The following FRAS1 variants were observed in gnomAD, a reference collection of about 807,000 sequenced individuals.
The protein encoded by FRAS1 is Fraser extracellular matrix complex subunit 1.
In FRAS1, 290 loss-of-function variants were observed where a neutral mutation model predicts 435.2. That is an observed-to-expected ratio of 0.67 (90% confidence interval 0.61 to 0.73). FRAS1 has a LOEUF of 0.73. Ranked by LOEUF, FRAS1 falls within the 30% of genes least tolerant of loss-of-function variation. FRAS1 has a pLI of 0.00. For missense variants in FRAS1, 4,860 were observed against 5,001.5 expected, an observed-to-expected ratio of 0.97 and a Z score of 0.85; for synonymous variants, 1,800 against 1,851.0, an observed-to-expected ratio of 0.97 and a Z score of 0.71.
At chr4:78,065,081 T>TATATATATACACAC (rs762909923) in intron 1 of FRAS1, among the ~76,000 whole-genome samples, 4 of 125,688 alleles carry the variant, frequency 3.2e-5, no homozygotes, top group African/African-American at 1.2e-4. Flanking sequence ...TATATATATA[T>TATATATATACACAC]ATACATACAC....
At position 78,448,333 on chromosome 4, in the gene FRAS1, GGA is replaced by G; in HGVS notation, c.6274+21_6274+22del. Reference sequence around the variant, plus strand: ...TCTCAGCAGGTACCACAGAAATAAAGGAGAGTGGCCATGGTTTTTCTATCCTT... The same window carrying G: ...TCTCAGCAGGTACCACAGAAATAAAGGAGTGGCCATGGTTTTTCTATCCTT... On this transcript the variant is annotated intron_variant, in intron 44 of 73. Transcript: ENST00000512123. The G allele has an allele frequency of 6.3e-7, 1 of 1,581,096 alleles. No homozygotes were observed. Among genetic ancestry groups the G allele is most frequent in the Non-Finnish European group, 8.6e-7 (1 of 1,162,340 alleles).
At chr4:78,270,690 G>T (rs994352656) in intron 9 of FRAS1, among the ~76,000 whole-genome samples, 1 of 151,968 alleles carries the variant, frequency 6.6e-6, no homozygotes, top group Non-Finnish European at 1.5e-5. Flanking sequence ...AGTATGCATA[G>T]TCAGTCTTGT....
At chr4:78,521,332 A>AG (rs1190872396) in intron 67 of FRAS1, among the ~76,000 whole-genome samples, 191 bp from the exon 68 acceptor site, 2 of 152,160 alleles carry the variant, frequency 1.3e-5, no homozygotes, top group Non-Finnish European at 2.9e-5. Flanking sequence ...AAAAAAAAAA[A>AG]GAACCAAGTG....
rs3086823 is a variant in FRAS1 at position 78,429,046 on chromosome 4, C to CTGTGTGTGTGTGTG, written c.4712-45_4712-32dup. 5.0e-6 allele frequency: 7 copies of CTGTGTGTGTGTGTG among 1,393,688 alleles called. No individual in the cohort carries two copies. In the Admixed American group the frequency reaches 1.2e-4, roughly 25 times the overall value. 86.3% of individuals were successfully genotyped at this position (1,393,688 alleles called of 1,614,324 possible). ...GATTCGTGTGTGTGTGTGCGTGTCT[C>CTGTGTGTGTGTGTG]TGTGTGTGTGTGTGTGTCTCTGTGT... is the stretch of plus-strand genomic sequence containing the variant. On this transcript the variant is annotated intron_variant, in intron 35 of 73. Transcript: ENST00000512123.
At chr4:78,480,902 A>G (rs1719991938) in intron 56 of FRAS1, among the ~76,000 whole-genome samples, 1 of 152,254 alleles carries the variant, frequency 6.6e-6, no homozygotes, top group African/African-American at 2.4e-5. Context: ...CATACCGTGC[A>G]TGTTCCATGC....
chr4:78,456,237 A>AC (rs1553962197), intron 47 of FRAS1, among the ~76,000 whole-genome samples: 1 of 148,150 alleles, frequency 6.7e-6, no homozygotes, highest in African/African-American at 2.5e-5. Flanking sequence ...TCCGCCTCCC[A>AC]GATCAAGTGA....
At position 78,541,871 on chromosome 4, in the gene FRAS1, G is replaced by A. The variant is rs1722066205; in HGVS notation, c.*747G>A. 6.6e-6 allele frequency: 1 copy of A among 152,194 alleles called. No individual in the cohort carries two copies. Among genetic ancestry groups the A allele is most frequent in the East Asian group, 1.9e-4 (1 of 5,196 alleles). 9.4% of individuals were successfully genotyped at this position (152,194 alleles called of 1,614,324 possible). On this transcript the variant is annotated 3_prime_UTR_variant, in exon 74 of 74. Transcript: ENST00000512123. ...TTAGTGATGCCCTTCACCCCAGGGA[G>A]GTGTCTGTTCCCAACTAGTTTATGT...
chr4:78,293,386 C>T (rs1345056554), intron 14 of FRAS1, among the ~76,000 whole-genome samples: 1 of 152,278 alleles, frequency 6.6e-6, no homozygotes, highest in Admixed American at 6.5e-5. Context: ...CAGAAATGTA[C>T]AGGCATGACT....
chr4:78,223,102 G>A (rs1317476), intron 2 of FRAS1, among the ~76,000 whole-genome samples: 137,083 of 152,222 alleles, frequency 0.9, 63,277 homozygotes, highest in Non-Finnish European at 1. Flanking sequence ...GAATACAACC[G>A]GTGTGTATTT....
At chr4:78,510,809 G>A (rs1721011641) in intron 63 of FRAS1, among the ~76,000 whole-genome samples, 1 of 152,166 alleles carries the variant, frequency 6.6e-6, no homozygotes. Flanking sequence ...GTAGGGAGAT[G>A]GGATGATCGA....
At chr4:78,131,963 T>C (rs2109984178) in intron 2 of FRAS1, among the ~76,000 whole-genome samples, 1 of 152,352 alleles carries the variant, frequency 6.6e-6, no homozygotes, top group East Asian at 1.9e-4. Flanking sequence ...TCCATGGGGA[T>C]AGTTTGTTTC....
At chr4:78,087,383 C>T (rs1741241854) in intron 2 of FRAS1, among the ~76,000 whole-genome samples, 1 of 152,120 alleles carries the variant, frequency 6.6e-6, no homozygotes, top group African/African-American at 2.4e-5. Flanking sequence ...GATGCCCTCT[C>T]TCACCACTCC....
intron 2 of FRAS1, among the ~76,000 whole-genome samples, chr4:78,128,596 G>A (rs1356864315): frequency 6.6e-6 from 1 of 152,038 alleles, no homozygotes; most frequent in Non-Finnish European, 1.5e-5. Flanking sequence ...CTTGTTGATG[G>A]GGTTGTTTGT....
chr4:78,159,696 C>T (rs1019718264), intron 2 of FRAS1, among the ~76,000 whole-genome samples: 2 of 152,154 alleles, frequency 1.3e-5, no homozygotes, highest in Admixed American at 6.5e-5. Flanking sequence ...GCCTGGCCAA[C>T]ATGGTGAAAC....
Position 78,439,025 on chromosome 4 carries a change from A to C in FRAS1, c.5490A>C (p.Glu1830Asp), listed in dbSNP as rs746433898. Residue 1830 changes from glutamate (E) to aspartate (D), a missense_variant, in exon 40 of 74, where the codon GAA becomes GAC. Transcript: ENST00000512123. ...TTACCATCATGATCACTCCTGCTGA[A>C]AATCCACCTCCAGTCATTGCTTTTG... The part of the protein sequence containing the change: ...QIFTIMITPA[E>D]NPPPVIAFAD... 6.2e-7 allele frequency: 1 copy of C among 1,613,592 alleles called. No individual in the cohort carries two copies. The highest frequency in any genetic ancestry group is 8.5e-7 in the Non-Finnish European group (1 of 1,179,764).
At chr4:78,192,117 C>A (rs1456801052) in intron 2 of FRAS1, among the ~76,000 whole-genome samples, 1 of 152,154 alleles carries the variant, frequency 6.6e-6, no homozygotes, top group Non-Finnish European at 1.5e-5. Flanking sequence ...AGCCTTGCAT[C>A]CCAGGAATGA....
chr4:78,218,182 T>C (rs1270080726), intron 2 of FRAS1, among the ~76,000 whole-genome samples: 1 of 146,634 alleles, frequency 6.8e-6, no homozygotes, highest in Admixed American at 6.9e-5. Context: ...GATAATTCTG[T>C]CCATCCTGGT....
At chr4:78,475,680 C>T in intron 54 of FRAS1, 74 bp downstream of exon 54, 2 of 1,386,282 alleles carry the variant, frequency 1.4e-6, no homozygotes, top group South Asian at 1.7e-5. Flanking sequence ...GTGGCACTTT[C>T]CTACTTCTTC....
At chr4:78,174,475 G>A (rs191542527) in intron 2 of FRAS1, among the ~76,000 whole-genome samples, 88 of 152,214 alleles carry the variant, frequency 5.8e-4, no homozygotes, top group Non-Finnish European at 1.1e-3. Context: ...CTCCCATCCC[G>A]CTCTACAAGA....
Sources: allele counts gnomAD v4.1 joint callset (sites outside exome capture counted in the v4.1 genomes callset), GRCh38; gene constraint gnomAD v4.1.1; transcripts MANE v1.5; gene names NCBI Gene and HGNC (gene_info 2026-07-23, HGNC 2026-07-21).